The following CCDC88A variants were observed in gnomAD, a reference collection of about 807,000 sequenced individuals.
CCDC88A encodes girdin.
CCDC88A carries 54 observed loss-of-function variants against 234.3 expected under a neutral mutation model. The observed-to-expected ratio is 0.23, with a 90% CI of 0.19 to 0.29. CCDC88A has a LOEUF of 0.29. Among genes scored for constraint, CCDC88A ranks in the 10% least tolerant of loss-of-function variants. The pLI is 1.00. For missense variants in CCDC88A, 1,832 were observed against 2,123.4 expected, an observed-to-expected ratio of 0.86 and a Z score of 2.70; for synonymous variants, 753 against 737.8, an observed-to-expected ratio of 1.02 and a Z score of -0.33.
chr2:55,334,435 A>G lies in CCDC88A; in HGVS notation c.2386T>C (p.Leu796=), dbSNP rs773743507. 1.6e-5 allele frequency: 25 copies of G among 1,581,320 alleles called. No individual in the cohort carries two copies. The highest frequency in any genetic ancestry group is 2.0e-5 in the Non-Finnish European group (23 of 1,171,128). The change falls in exon 15 of 33, where the codon TTG becomes CTG. Residue 796 remains leucine (L), a synonymous_variant. Coordinates refer to ENST00000436346, the MANE Select transcript of CCDC88A (RefSeq NM_001365480.1). This position sits in a 1 kb window ranked among gnomAD's most constrained non-coding sequence, Gnocchi z 6.1. ...TTTAGTTCTTCTAGGTTTTTCTGCA[A>G]TGTTTGATTTTCCATCTCTAAGTCT... ...LQDLEMENQT[L]QKNLEELKIS...
intron 7 of CCDC88A, among the ~76,000 whole-genome samples, chr2:55,360,253 T>C (rs1318599689): frequency 1.3e-5 from 2 of 152,130 alleles, no homozygotes; most frequent in African/African-American, 4.8e-5. Flanking sequence ...ATATATACTT[T>C]TTAGACTGAA....
At chr2:55,347,081 CTAAAA>C (rs1313793564) in intron 9 of CCDC88A, among the ~76,000 whole-genome samples, 2 of 151,978 alleles carry the variant, frequency 1.3e-5, no homozygotes, top group Non-Finnish European at 2.9e-5. Context: ...AACAATATTA[CTAAAA>C]TAAATCATTA....
chr2:55,302,386 A>G (rs1372950312), intron 26 of CCDC88A, among the ~76,000 whole-genome samples: 1 of 152,340 alleles, frequency 6.6e-6, no homozygotes, highest in South Asian at 2.1e-4. Flanking sequence ...CAGCCTTCAC[A>G]ATGTGGTTTT....
chr2:55,349,442 G>A, intron 9 of CCDC88A, 76 bp downstream of exon 9: 3 of 1,040,480 alleles, frequency 2.9e-6, no homozygotes, highest in Non-Finnish European at 1.5e-6. Flanking sequence ...TTGAAGTAAA[G>A]GTTATAAATT....
chr2:55,372,320 A>C (rs1031534106), intron 5 of CCDC88A, 132 bp downstream of exon 5: 6 of 533,984 alleles, frequency 1.1e-5, no homozygotes, highest in Non-Finnish European at 1.7e-5. Flanking sequence ...GAGGTTATAC[A>C]GTTATTGAAA....
intron 2 of CCDC88A, among the ~76,000 whole-genome samples, chr2:55,392,828 T>G (rs1676864441): frequency 6.6e-6 from 1 of 152,208 alleles, no homozygotes; most frequent in Non-Finnish European, 1.5e-5. Context: ...CCACATTAAG[T>G]GTAGGTCTCC....
intron 18 of CCDC88A, 109 bp downstream of exon 18, chr2:55,322,419 T>C: frequency 1.5e-6 from 1 of 665,802 alleles, no homozygotes; most frequent in Admixed American, 3.1e-5. Context: ...ATTTTCTTAT[T>C]AAGTGCCATC....
intron 2 of CCDC88A, among the ~76,000 whole-genome samples, chr2:55,402,975 C>G (rs768061753): frequency 6.6e-6 from 1 of 151,960 alleles, no homozygotes; most frequent in Non-Finnish European, 1.5e-5. Flanking sequence ...CGCCACTGCA[C>G]TCCAGCCTGG....
chr2:55,329,507 C>T (rs1299634391), intron 16 of CCDC88A: 2 of 152,092 alleles, frequency 1.3e-5, no homozygotes, highest in Admixed American at 6.6e-5. Flanking sequence ...TCATTTACTG[C>T]GTCTGATTTT....
intron 2 of CCDC88A, among the ~76,000 whole-genome samples, chr2:55,406,633 A>G (rs1210069334): frequency 6.6e-6 from 1 of 152,058 alleles, no homozygotes; most frequent in Admixed American, 6.6e-5. Flanking sequence ...GTGGTACACA[A>G]CTGTAATCCC....
At chr2:55,392,387 C>T (rs1467511091) in intron 2 of CCDC88A, among the ~76,000 whole-genome samples, 5 of 152,166 alleles carry the variant, frequency 3.3e-5, no homozygotes, top group African/African-American at 1.2e-4. Flanking sequence ...AAGATTTTGA[C>T]TGAAATTGCA....
chr2:55,407,944 C>A (rs1679881535), intron 2 of CCDC88A, among the ~76,000 whole-genome samples: 3 of 151,798 alleles, frequency 2.0e-5, no homozygotes. Context: ...TCTCGAACTT[C>A]TGACCTCAAG....
chr2:55,419,149 G>C lies in CCDC88A; in HGVS notation c.-70C>G, dbSNP rs1021391703. Reference sequence around the variant, plus strand: ...GCCTAGGGAATTGGTCACTAAACGTGGAAGTAAGTAGAAATCAATGAAAGT... The same window carrying C: ...GCCTAGGGAATTGGTCACTAAACGTCGAAGTAAGTAGAAATCAATGAAAGT... On this transcript the variant is annotated 5_prime_UTR_variant, in exon 1 of 33. Transcript: ENST00000436346. 84 of 908,634 alleles carry C rather than the reference G, an allele frequency of 9.2e-5. No homozygotes were observed. Among genetic ancestry groups the C allele is most frequent in the Non-Finnish European group, 2.3e-5 (13 of 557,708 alleles). The allele number at this position is 908,634 out of a possible 1,614,324, so 56.3% of individuals were successfully genotyped here.
intron 4 of CCDC88A, among the ~76,000 whole-genome samples, chr2:55,373,802 C>G (rs529316937): frequency 6.6e-6 from 1 of 152,192 alleles, no homozygotes; most frequent in African/African-American, 2.4e-5. Flanking sequence ...ATAAAAATAG[C>G]TACTTGATTT....
chr2:55,292,143 A>G (rs1038662775), intron 31 of CCDC88A: 11 of 161,002 alleles, frequency 6.8e-5, no homozygotes, highest in Admixed American at 6.4e-4. Flanking sequence ...TAAGAAAACC[A>G]GGGCTTGATG....
Position 55,355,621 on chromosome 2 carries a change from A to C in CCDC88A, c.758T>G (p.Leu253Arg). 2 of 1,614,108 alleles carry C rather than the reference A, an allele frequency of 1.2e-6. No homozygotes were observed. Among genetic ancestry groups the C allele is most frequent in the Non-Finnish European group, 1.7e-6 (2 of 1,179,946 alleles). ...TESRQHLSVE[L>R]ADAKAKIRRL... Reference sequence around the variant, plus strand: ...TCTTATCTTGGCTTTAGCATCTGCCAGTTCCACCGACAGATGTTGTCGACT... The same window carrying C: ...TCTTATCTTGGCTTTAGCATCTGCCCGTTCCACCGACAGATGTTGTCGACT... The change falls in exon 8 of 33, where the codon CTG (leucine) becomes CGG (arginine). Residue 253 changes from leucine (L) to arginine (R), a missense_variant. Physicochemically the swap from Leu to Arg is moderately radical, Grantham distance 102. Around this residue, in one of 6 missense-constraint regions of CCDC88A, gnomAD observed 1,282 missense variants for 1,543.6 expected, o/e 0.83. Coordinates refer to ENST00000436346, the MANE Select transcript of CCDC88A (RefSeq NM_001365480.1).
At chr2:55,327,577 T>G (rs1410689227) in intron 17 of CCDC88A, among the ~76,000 whole-genome samples, 1 of 152,218 alleles carries the variant, frequency 6.6e-6, no homozygotes, top group Non-Finnish European at 1.5e-5. Flanking sequence ...TATAGTGTTC[T>G]GAGTACAGCG....
intron 2 of CCDC88A, among the ~76,000 whole-genome samples, chr2:55,410,515 G>C (rs1324751963): frequency 6.6e-6 from 1 of 152,152 alleles, no homozygotes; most frequent in Non-Finnish European, 1.5e-5. Flanking sequence ...GCTTATCCTG[G>C]ATCTTACAAA....
chr2:55,399,207 G>C (rs1288199464), intron 2 of CCDC88A, among the ~76,000 whole-genome samples: 4 of 151,884 alleles, frequency 2.6e-5, no homozygotes, highest in Admixed American at 6.6e-5. Context: ...CCTATATATG[G>C]GCTAAATAAC....
Sources: gnomAD v4.1 joint callset for allele counts (sites outside exome capture counted in the v4.1 genomes callset) on GRCh38, gnomAD v4.1.1 for gene constraint, gnomAD v4.1.1 regional missense constraint, Gnocchi (gnomAD v3.1) non-coding constraint, MANE v1.5 for transcripts, NCBI Gene and HGNC (gene_info 2026-07-23, HGNC 2026-07-21) for gene names.